AMPD2: variants seen among roughly 807,000 people sequenced by gnomAD.
The protein encoded by AMPD2 is adenosine monophosphate deaminase 2, also known as AMP deaminase 2.
A neutral mutation model predicts 91.3 loss-of-function variants in AMPD2; 52 were observed. The observed-to-expected ratio is 0.57, with a 90% CI of 0.46 to 0.72. AMPD2 has a LOEUF of 0.72. Among genes scored for constraint, AMPD2 ranks in the 30% least tolerant of loss-of-function variants. The pLI is 0.00. For missense variants in AMPD2, 822 were observed against 1,122.3 expected (o/e 0.73, Z 3.82); for synonymous variants, 455 against 456.4 (o/e 1.00, Z 0.04).
rs774990744 is a variant in AMPD2 at position 109,631,492 on chromosome 1, T to C, written c.*340T>C. ...TTGTGGGGGGCTGGCCCCTCTAGCCTTTCCGGTCCTTCCTGGGCAAATCTA... is the reference window on the plus strand; with the variant it reads ...TTGTGGGGGGCTGGCCCCTCTAGCCCTTCCGGTCCTTCCTGGGCAAATCTA... On this transcript the variant is annotated 3_prime_UTR_variant, in exon 19 of 19. Coordinates refer to ENST00000528667, the MANE Select transcript of AMPD2 (RefSeq NM_001368809.2). The C allele has an allele frequency of 3.0e-5, 12 of 396,894 alleles. No homozygotes were observed. The highest frequency in any genetic ancestry group is 5.1e-5 in the Non-Finnish European group (11 of 213,854). 24.6% of individuals were successfully genotyped at this position (396,894 alleles called of 1,614,324 possible).
In AMPD2 at chr1:109,629,468, G is replaced by A. The variant is rs1326661821; in HGVS notation, c.1840G>A (p.Ala614Thr). The stretch of plus-strand genomic sequence containing the variant: ...CCTGTACTACACCTTTGCCAACATG[G>A]CCATGTTGAACCACCTGCGCAGGTG... ...YYLYYTFANM[A>T]MLNHLRRQRG... is the part of the protein sequence containing the mutation. Residue 614 changes from alanine to threonine, a missense_variant, in exon 15 of 19, where the codon GCC becomes ACC. Transcript: ENST00000528667. 2 of 1,613,996 alleles carry A rather than the reference G, an allele frequency of 1.2e-6. No homozygotes were observed. The highest frequency in any genetic ancestry group is 1.1e-5 in the South Asian group (1 of 91,082).
chr1:109,625,488 C>A lies in AMPD2; in HGVS notation c.222+55C>A. 6.2e-7 allele frequency: 1 copy of A among 1,610,638 alleles called. No individual in the cohort carries two copies. Among genetic ancestry groups the A allele is most frequent in the Non-Finnish European group, 8.5e-7 (1 of 1,177,930 alleles). On this transcript the variant is annotated intron_variant, in intron 3 of 18. Coordinates refer to ENST00000528667, the MANE Select transcript of AMPD2 (RefSeq NM_001368809.2). The surrounding 1 kb of genome is among the most constrained non-coding windows in gnomAD (Gnocchi z 4.0). ...CCCGTGTCTCCATGCCCTGCCTCTG[C>A]TCCCCACACCCCTCACCTCAAGCTG...
chr1:109,623,384 A>G (rs1031429995), intron 2 of AMPD2, among the ~76,000 whole-genome samples: 15 of 152,138 alleles, frequency 9.9e-5, no homozygotes, highest in African/African-American at 3.6e-4. Flanking sequence ...CTTATTCTGG[A>G]CAGTTTGTCC....
rs1570582377 is a variant in AMPD2 at position 109,625,178 on chromosome 1, T to G, written c.92-125T>G. The G allele has an allele frequency of 7.4e-7, 1 of 1,356,990 alleles. No homozygotes were observed. Among genetic ancestry groups the G allele is most frequent in the East Asian group, 2.4e-5 (1 of 41,776 alleles). 84.1% of individuals were successfully genotyped at this position (1,356,990 alleles called of 1,614,324 possible). The stretch of plus-strand genomic sequence containing the variant: ...ACACACAGGCCTACTCCTCAGCTAC[T>G]GAGGAGGGACTGCCCTCTTTCCCGA... On this transcript the variant is annotated intron_variant, in intron 2 of 18. Coordinates refer to ENST00000528667, the MANE Select transcript of AMPD2 (RefSeq NM_001368809.2). This position sits in a 1 kb window ranked among gnomAD's most constrained non-coding sequence, Gnocchi z 4.0.
rs1253216358 is a variant in AMPD2, at chr1:109,631,039, C to T, written c.2365C>T (p.Arg789Cys). The T allele has an allele frequency of 5.0e-6, 8 of 1,614,062 alleles. No individual in the cohort carries two copies. Among genetic ancestry groups the T allele is most frequent in the Non-Finnish European group, 5.9e-6 (7 of 1,180,044 alleles). The change falls in exon 19 of 19, where the codon CGC becomes TGC. Residue 789 changes from arginine to cysteine, a missense_variant. Arg to Cys is a radical substitution (Grantham distance 180). Transcript: ENST00000528667. ...TGTGCCAGACATCCGCGTGGGCTACCGCTACGAGACCCTGTGCCAGGAGCT... is the reference window on the plus strand; with the variant it reads ...TGTGCCAGACATCCGCGTGGGCTACTGCTACGAGACCCTGTGCCAGGAGCT... ...TNVPDIRVGY[R>C]YETLCQELAL...
At chr1:109,626,103 T>C in intron 4 of AMPD2, 57 bp from the exon 5 acceptor site, 1 of 1,594,112 alleles carries the variant, frequency 6.3e-7, no homozygotes, top group South Asian at 1.1e-5. Context: ...TGCTGGGACC[T>C]GGGAGCAAGG....
At position 109,630,966 on chromosome 1, in the gene AMPD2, C is replaced by G; in HGVS notation, c.2292C>G (p.Pro764=). 1 of 1,614,096 alleles carries G rather than the reference C, an allele frequency of 6.2e-7. No individual in the cohort carries two copies. The highest frequency in any genetic ancestry group is 8.5e-7 in the Non-Finnish European group (1 of 1,180,028). ...SHKVKSHWLG[P]NYTKEGPEGN... is the part of the protein sequence containing the mutation. ...AGGTAAAGAGCCACTGGCTGGGACC[C>G]AACTATACCAAGGAAGGCCCTGAGG... Residue 764 remains proline (P), a synonymous_variant, in exon 19 of 19, where the codon CCC becomes CCG. Coordinates refer to ENST00000528667, the MANE Select transcript of AMPD2 (RefSeq NM_001368809.2).
In AMPD2 at chr1:109,625,436, A is replaced by ATC. The variant is rs1396324381; in HGVS notation, c.222+4_222+5dup. ...GCAAATGCAAGGAGATCGCCGAGGT[A>ATC]TCACCTGGCACCACCCGCACCCTCA... On this transcript the variant is annotated splice_donor_region_variant and intron_variant, in intron 3 of 18. Transcript: ENST00000528667. This position sits in a 1 kb window ranked among gnomAD's most constrained non-coding sequence, Gnocchi z 4.0. 1 of 1,613,864 alleles carries ATC rather than the reference A, an allele frequency of 6.2e-7. No individual in the cohort carries two copies. Among genetic ancestry groups the ATC allele is most frequent in the Admixed American group, 1.7e-5 (1 of 60,014 alleles).
intron 2 of AMPD2, among the ~76,000 whole-genome samples, chr1:109,622,613 A>G (rs990884344): frequency 1.3e-5 from 2 of 152,134 alleles, no homozygotes; most frequent in Non-Finnish European, 2.9e-5. Context: ...GCCTCTGAGA[A>G]CGTAGCGGTT....
intron 7 of AMPD2, 82 bp from the exon 8 acceptor site, chr1:109,627,093 T>C: frequency 6.3e-7 from 1 of 1,595,116 alleles, no homozygotes; most frequent in Non-Finnish European, 8.5e-7. Context: ...TCAACATCTC[T>C]TGCCCTCTGT....
chr1:109,629,103 C>T lies in AMPD2; in HGVS notation c.1572-6C>T. 1.2e-6 allele frequency: 2 copies of T among 1,613,544 alleles called. No homozygotes were observed. Among genetic ancestry groups the T allele is most frequent in the Non-Finnish European group, 1.7e-6 (2 of 1,179,756 alleles). ...TGCACATACCTGCATGTTGTCTCAC[C>T]TGCAGTGATGTGTACCGTACCAAGG... On this transcript the variant is annotated splice_region_variant and splice_polypyrimidine_tract_variant and intron_variant, in intron 13 of 18. Coordinates refer to ENST00000528667, the MANE Select transcript of AMPD2 (RefSeq NM_001368809.2).
At chr1:109,629,543 C>G in intron 15 of AMPD2, 53 bp downstream of exon 15, 2 of 1,597,828 alleles carry the variant, frequency 1.3e-6, no homozygotes, top group East Asian at 4.5e-5. Flanking sequence ...CCCAACAAAC[C>G]TCACTCTTGG....
At position 109,631,077 on chromosome 1, in the gene AMPD2, G is replaced by A. The variant is rs373514741; in HGVS notation, c.2403G>A (p.Thr801=). ...ETLCQELALI[T]QAVQSEMLET... ...TGTGCCAGGAGCTGGCGCTCATCAC[G>A]CAGGCAGTCCAGAGTGAGATGCTGG... Residue 801 remains threonine, a synonymous_variant, in exon 19 of 19, where the codon ACG becomes ACA. Coordinates refer to ENST00000528667, the MANE Select transcript of AMPD2 (RefSeq NM_001368809.2). 1.1e-5 allele frequency: 18 copies of A among 1,612,990 alleles called. No homozygotes were observed. The highest frequency in any genetic ancestry group is 1.5e-5 in the Non-Finnish European group (18 of 1,179,596).
chr1:109,625,538 C>T lies in AMPD2; in HGVS notation c.222+105C>T, dbSNP rs1650593988. 1 of 1,595,596 alleles carries T rather than the reference C, an allele frequency of 6.3e-7. No individual in the cohort carries two copies. The highest frequency in any genetic ancestry group is 1.7e-5 in the Admixed American group (1 of 59,394). On this transcript the variant is annotated intron_variant, in intron 3 of 18. Coordinates refer to ENST00000528667, the MANE Select transcript of AMPD2 (RefSeq NM_001368809.2). This position sits in a 1 kb window ranked among gnomAD's most constrained non-coding sequence, Gnocchi z 4.0. ...GTCCCCTCACCTCACGCTTGGCTGTCTCCTGATCCTCAGCCTCTCCCAGGT... is the reference window on the plus strand; with the variant it reads ...GTCCCCTCACCTCACGCTTGGCTGTTTCCTGATCCTCAGCCTCTCCCAGGT...
Position 109,625,383 on chromosome 1 carries a change from C to G in AMPD2, c.172C>G (p.Pro58Ala). ...PGPAPCLKHFPLDLRTSMDGK... is the reference protein window; with the variant it reads ...PGPAPCLKHFALDLRTSMDGK... ...CCCCGCCCCCTGCCTCAAGCACTTCCCGCTCGACCTGCGCACGTCTATGGA... is the reference window on the plus strand; with the variant it reads ...CCCCGCCCCCTGCCTCAAGCACTTCGCGCTCGACCTGCGCACGTCTATGGA... Residue 58 changes from proline (P) to alanine (A), a missense_variant, in exon 3 of 19, where the codon CCG becomes GCG. By Grantham distance (27) the Pro-to-Ala change is conservative (BLOSUM62 -1). Coordinates refer to ENST00000528667, the MANE Select transcript of AMPD2 (RefSeq NM_001368809.2). This position sits in a 1 kb window ranked among gnomAD's most constrained non-coding sequence, Gnocchi z 4.0. The G allele has an allele frequency of 6.2e-7, 1 of 1,613,978 alleles. No individual in the cohort carries two copies. Among genetic ancestry groups the G allele is most frequent in the Non-Finnish European group, 8.5e-7 (1 of 1,179,984 alleles).
Position 109,624,316 on chromosome 1 carries a change from T to C in AMPD2, c.92-987T>C, listed in dbSNP as rs901638544. Among the ~76,000 whole-genome samples, 36 of 152,150 alleles carry C rather than the reference T, an allele frequency of 2.4e-4. No individual in the cohort carries two copies. Among genetic ancestry groups the C allele is most frequent in the African/African-American group, 8.4e-4 (35 of 41,434 alleles). On this transcript the variant is annotated intron_variant, in intron 2 of 18. Coordinates refer to ENST00000528667, the MANE Select transcript of AMPD2 (RefSeq NM_001368809.2). This position sits in a 1 kb window ranked among gnomAD's most constrained non-coding sequence, Gnocchi z 5.2. ...TTACAGCCGGCTGAGAGAGGCAGTT[T>C]GGGTGTGGAAAGCTTCTCACTGAGG...
At chr1:109,629,042 G>GGGTTTC in intron 13 of AMPD2, 67 bp from the exon 14 acceptor site, 1 of 1,590,826 alleles carries the variant, frequency 6.3e-7, no homozygotes, top group Non-Finnish European at 8.6e-7. Flanking sequence ...TCTGACCCTT[G>GGGTTTC]CTGGACCGCT....
rs34592756 is a variant in AMPD2 at position 109,630,036 on chromosome 1, A to G, written c.1983+120A>G. 131,170 of 1,467,934 alleles carry G rather than the reference A, an allele frequency of 0.089. 6,164 individuals carry two copies. Among genetic ancestry groups the G allele is most frequent in the Non-Finnish European group, 0.098 (106,174 of 1,081,250 alleles). The allele number at this position is 1,467,934 out of a possible 1,614,324, so 90.9% of individuals were successfully genotyped here. A position where few individuals can be genotyped will look rare whatever the true frequency, so the allele number is the denominator to read the frequency against. On this transcript the variant is annotated intron_variant, in intron 16 of 18. Transcript: ENST00000528667. ...CCTCAGATTGGATTCTGCCTTCCCA[A>G]TGTAACTACCCTTCCCCACCCCAGC...
Position 109,630,413 on chromosome 1 carries a change from G to A in AMPD2, c.2157+7G>A, listed in dbSNP as rs1454387339. 7.4e-7 allele frequency: 1 copy of A among 1,350,122 alleles called. No individual in the cohort carries two copies. Among genetic ancestry groups the A allele is most frequent in the South Asian group, 1.1e-5 (1 of 87,712 alleles). 83.6% of individuals were successfully genotyped at this position (1,350,122 alleles called of 1,614,324 possible). On this transcript the variant is annotated splice_region_variant and intron_variant, in intron 17 of 18. Coordinates refer to ENST00000528667, the MANE Select transcript of AMPD2 (RefSeq NM_001368809.2). ...GCAGTTCCACTTCACCAAGGTCAGAGCCCAGCAGGCAGCCAGGCGGGCGGG... is the reference window on the plus strand; with the variant it reads ...GCAGTTCCACTTCACCAAGGTCAGAACCCAGCAGGCAGCCAGGCGGGCGGG...
Sources: gnomAD v4.1 joint callset for allele counts (sites outside exome capture counted in the v4.1 genomes callset) on GRCh38, gnomAD v4.1.1 for gene constraint, Gnocchi (gnomAD v3.1) non-coding constraint, MANE v1.5 for transcripts, NCBI Gene and HGNC (gene_info 2026-07-23, HGNC 2026-07-21) for gene names.